Variants in RFX7 observed in about 807,000 individuals in gnomAD.
RFX7 encodes the protein regulatory factor X7.
Under a neutral mutation model 111.8 loss-of-function variants are expected in RFX7, and 26 were observed. The ratio of observed to expected loss-of-function variants is 0.23; its 90% CI spans 0.17 to 0.32. RFX7 has a LOEUF of 0.32. RFX7 is among the 10% of genes least tolerant of loss of function. The pLI is 1.00. For missense variants in RFX7, 1,573 were observed against 1,772.9 expected (o/e 0.89, Z 2.02); for synonymous variants, 624 against 624.4 (o/e 1.00, Z 0.01).
chr15:56,091,602 G>C lies in RFX7; in HGVS notation c.*1743C>G, dbSNP rs1002158808. On this transcript the variant is annotated 3_prime_UTR_variant, in exon 10 of 10. Coordinates refer to ENST00000559447, the MANE Select transcript of RFX7 (RefSeq NM_022841.7). ...ATCATTTGTCAGGAGAAATCACACAGTTTCCTTTGGGTATTGCATACTTTG... is the reference window on the plus strand; with the variant it reads ...ATCATTTGTCAGGAGAAATCACACACTTTCCTTTGGGTATTGCATACTTTG... 6.6e-6 allele frequency: 1 copy of C among 152,258 alleles called. No individual in the cohort carries two copies. Among genetic ancestry groups the C allele is most frequent in the South Asian group, 2.1e-4 (1 of 4,820 alleles). The allele number at this position is 152,258 out of a possible 1,614,324, so 9.4% of individuals were successfully genotyped here. A position where few individuals can be genotyped will look rare whatever the true frequency, so the allele number is the denominator to read the frequency against.
chr15:56,162,792 A>G (rs2042737885), intron 3 of RFX7, among the ~76,000 whole-genome samples: 2 of 152,116 alleles, frequency 1.3e-5, no homozygotes, highest in African/African-American at 4.8e-5. Flanking sequence ...TTGTGATACT[A>G]AACAAAACCA....
At chr15:56,224,827 C>T (rs916764330) in intron 2 of RFX7, among the ~76,000 whole-genome samples, 12 of 151,934 alleles carry the variant, frequency 7.9e-5, no homozygotes, top group African/African-American at 2.2e-4. Context: ...AAAATCATCC[C>T]ACTGTTGTTT....
rs1387368825 is a variant in RFX7, at chr15:56,101,453, G to A, written c.717C>T (p.Asp239=). 6.2e-7 allele frequency: 1 copy of A among 1,613,632 alleles called. No homozygotes were observed. The highest frequency in any genetic ancestry group is 1.1e-5 in the South Asian group (1 of 91,036). The stretch of plus-strand genomic sequence containing the variant: ...GGAAGCGGGCTAATTCCAAGACGGT[G>A]TCAAATGGTTGGCTTAACACTTTCT... ...WAQKVLSQPF[D]TVLELARFLV... Residue 239 remains aspartate (D), a synonymous_variant, in exon 8 of 10, where the codon GAC becomes GAT. Transcript: ENST00000559447.
chr15:56,242,990 C>T (rs2043722239), intron 2 of RFX7, 135 bp downstream of exon 2: 1 of 643,686 alleles, frequency 1.6e-6, no homozygotes, highest in Non-Finnish European at 2.4e-6. Flanking sequence ...TACAAATGTG[C>T]ACCCGACTGG....
At chr15:56,221,835 G>C (rs766911595) in intron 2 of RFX7, among the ~76,000 whole-genome samples, 1 of 152,078 alleles carries the variant, frequency 6.6e-6, no homozygotes, top group Non-Finnish European at 1.5e-5. Flanking sequence ...GCTGTTTCAC[G>C]ATCTTTTACT....
intron 5 of RFX7, among the ~76,000 whole-genome samples, chr15:56,136,375 G>A (rs1369309061): frequency 6.9e-6 from 1 of 145,344 alleles, no homozygotes. Flanking sequence ...TCTCTTTGAA[G>A]CAATTGTGAA....
At chr15:56,171,091 T>G (rs1247565701) in intron 3 of RFX7, among the ~76,000 whole-genome samples, 1 of 152,118 alleles carries the variant, frequency 6.6e-6, no homozygotes, top group Non-Finnish European at 1.5e-5. Flanking sequence ...TCTCAAATAA[T>G]TATGATCTGG....
chr15:56,136,873 A>G (rs1360111885), intron 5 of RFX7, among the ~76,000 whole-genome samples: 2 of 146,554 alleles, frequency 1.4e-5, no homozygotes, highest in African/African-American at 5.1e-5. Context: ...TATTGAGATA[A>G]TCATGTGGTT....
rs1486183657 is a variant in RFX7 at position 56,128,361 on chromosome 15, G to A, written c.401+14417C>T. ...AAAGACTGACAAACTGAAACTAGCTGCATACATAATGGATTAGATATCATG... is the reference window on the plus strand; with the variant it reads ...AAAGACTGACAAACTGAAACTAGCTACATACATAATGGATTAGATATCATG... On this transcript the variant is annotated intron_variant, in intron 5 of 9. Coordinates refer to ENST00000559447, the MANE Select transcript of RFX7 (RefSeq NM_022841.7). Among the ~76,000 whole-genome samples the A allele has an allele frequency of 2.0e-5, 3 of 152,112 alleles. No homozygotes were observed. The East Asian group carries it at 5.8e-4, about 29-fold the overall frequency.
intron 2 of RFX7, among the ~76,000 whole-genome samples, chr15:56,206,528 T>C (rs1280455120): frequency 1.3e-5 from 2 of 152,092 alleles, no homozygotes; most frequent in African/African-American, 2.4e-5. Flanking sequence ...AAGGAATCAG[T>C]ATGTCAAAGA....
chr15:56,110,353 T>C (rs868689271), intron 5 of RFX7, among the ~76,000 whole-genome samples: 157 of 31,106 alleles, frequency 5.0e-3, no homozygotes, highest in Admixed American at 6.3e-3. Context: ...GCCAGCCGCC[T>C]CGTCCGGGAG....
chr15:56,136,679 A>C (rs1201116657), intron 5 of RFX7, among the ~76,000 whole-genome samples: 24 of 151,594 alleles, frequency 1.6e-4, no homozygotes, highest in African/African-American at 5.6e-4. Flanking sequence ...GAGAGAGGGC[A>C]TCCCTGTCTT....
intron 2 of RFX7, among the ~76,000 whole-genome samples, chr15:56,219,143 C>T (rs58880180): frequency 5.9e-4 from 90 of 152,250 alleles, no homozygotes; most frequent in African/African-American, 2.1e-3. Context: ...TCAGTTCTTA[C>T]TTCATATACA....
Position 56,212,745 on chromosome 15 carries a change from C to A in RFX7, c.161+30380G>T, listed in dbSNP as rs75765860. ...GTAAAAAAACATTTCATACGTATAT[C>A]CAACAAAGAAATATGTTAAAAATAG... On this transcript the variant is annotated intron_variant, in intron 2 of 9. Transcript: ENST00000559447. Among the ~76,000 whole-genome samples, 133 of 152,040 alleles carry A rather than the reference C, an allele frequency of 8.7e-4. 1 individual carries two copies. The East Asian group carries it at 0.021, about 25-fold the overall frequency.
rs1205760582 is a variant in RFX7, at chr15:56,096,701, T to G, written c.1108-81A>C. 4 of 1,373,926 alleles carry G rather than the reference T, an allele frequency of 2.9e-6. No individual in the cohort carries two copies. In the African/African-American group the frequency reaches 5.8e-5, roughly 20 times the overall value. The allele number at this position is 1,373,926 out of a possible 1,614,324, so 85.1% of individuals were successfully genotyped here. A position where few individuals can be genotyped will look rare whatever the true frequency, so the allele number is the denominator to read the frequency against. ...TCATGTATCTGTATATACTTTTAAGTCATTTATTAAATGTTAATGTTAAAA... is the reference window on the plus strand; with the variant it reads ...TCATGTATCTGTATATACTTTTAAGGCATTTATTAAATGTTAATGTTAAAA... On this transcript the variant is annotated intron_variant, in intron 9 of 9. Coordinates refer to ENST00000559447, the MANE Select transcript of RFX7 (RefSeq NM_022841.7).
At chr15:56,229,610 C>T (rs1308827916) in intron 2 of RFX7, among the ~76,000 whole-genome samples, 16 of 152,118 alleles carry the variant, frequency 1.1e-4, no homozygotes, top group Admixed American at 9.2e-4. Context: ...ATGAGAATCT[C>T]CCGGAAGACT....
At position 56,094,142 on chromosome 15, in the gene RFX7, A is replaced by G; in HGVS notation, c.3586T>C (p.Phe1196Leu). ...SNIPRSNVTP[F>L]GSPVTPEVHV... Reference sequence around the variant, plus strand: ...ACTTCTGGGGTAACTGGACTTCCAAAGGGGGTCACATTAGATCGTGGGATA... The same window carrying G: ...ACTTCTGGGGTAACTGGACTTCCAAGGGGGGTCACATTAGATCGTGGGATA... The change falls in exon 10 of 10, where the codon TTT (phenylalanine) becomes CTT (leucine). Residue 1196 changes from phenylalanine to leucine, a missense_variant. Phe to Leu is a conservative substitution (Grantham distance 22). Coordinates refer to ENST00000559447, the MANE Select transcript of RFX7 (RefSeq NM_022841.7). The G allele has an allele frequency of 6.2e-7, 1 of 1,613,986 alleles. No individual in the cohort carries two copies. Among genetic ancestry groups the G allele is most frequent in the Non-Finnish European group, 8.5e-7 (1 of 1,179,878 alleles).
chr15:56,116,713 G>A (rs137878289), intron 5 of RFX7, among the ~76,000 whole-genome samples: 53 of 152,148 alleles, frequency 3.5e-4, no homozygotes, highest in African/African-American at 9.9e-4. Context: ...AAACTACAAT[G>A]GAAAAAAGGA....
At chr15:56,192,632 G>T in intron 2 of RFX7, 1 of 187,238 alleles carries the variant, frequency 5.3e-6, no homozygotes. Context: ...TCCTGAGACA[G>T]CTGACAATAA....
Sources: gnomAD v4.1 joint callset for allele counts (sites outside exome capture counted in the v4.1 genomes callset) on GRCh38, gnomAD v4.1.1 for gene constraint, MANE v1.5 for transcripts, NCBI Gene and HGNC (gene_info 2026-07-23, HGNC 2026-07-21) for gene names.